Variants in TNS3 observed in about 807,000 individuals in gnomAD.
The protein encoded by TNS3 is tensin 3, also known as tensin-3.
Under a neutral mutation model 140.9 loss-of-function variants are expected in TNS3, and 45 were observed. The ratio of observed to expected loss-of-function variants is 0.32; its 90% CI spans 0.25 to 0.41. The LOEUF (loss-of-function observed/expected upper bound fraction) is 0.41, where lower values mean the gene tolerates loss of function less well. Among genes scored for constraint, TNS3 ranks in the 10% least tolerant of loss-of-function variants. The pLI, the probability that TNS3 is intolerant of heterozygous loss-of-function variation, is 1.00. For synonymous variants in TNS3, 815 were observed against 788.4 expected, an observed-to-expected ratio of 1.03 and a Z score of -0.56; for missense variants, 1,716 against 1,906.7, an observed-to-expected ratio of 0.90 and a Z score of 1.86.
At chr7:47,293,031 G>T in intron 25 of TNS3, 126 bp from the exon 26 acceptor site, 1 of 718,356 alleles carries the variant, frequency 1.4e-6, no homozygotes, top group South Asian at 1.8e-5. Context: ...CAACTGGTAT[G>T]TTAGATTAGT....
intron 1 of TNS3, among the ~76,000 whole-genome samples, chr7:47,536,688 T>C (rs1799610397): frequency 6.6e-6 from 1 of 152,124 alleles, no homozygotes; most frequent in Admixed American, 6.5e-5. Flanking sequence ...ACGCCCCCAC[T>C]AGGCAAAGCT....
chr7:47,351,163 G>C (rs935642337), intron 17 of TNS3, among the ~76,000 whole-genome samples: 3 of 152,194 alleles, frequency 2.0e-5, no homozygotes, highest in African/African-American at 4.8e-5. Context: ...CTGCTGTACT[G>C]AATTTCCCTA....
chr7:47,530,858 T>TATATATATA (rs60516528), intron 1 of TNS3, among the ~76,000 whole-genome samples: 5 of 131,646 alleles, frequency 3.8e-5, no homozygotes, highest in African/African-American at 5.6e-5. Context: ...TATATATATA[T>TATATATATA]TTCTAGCACA....
chr7:47,509,896 C>T (rs1244712792), intron 2 of TNS3, among the ~76,000 whole-genome samples: 2 of 152,154 alleles, frequency 1.3e-5, no homozygotes, highest in African/African-American at 2.4e-5. Context: ...CCATCTCTCC[C>T]GATGGGCTGC....
chr7:47,504,218 A>G (rs1360853104), intron 3 of TNS3, among the ~76,000 whole-genome samples: 2 of 152,156 alleles, frequency 1.3e-5, no homozygotes, highest in African/African-American at 2.4e-5. Flanking sequence ...GCGCTTCTCA[A>G]AATGTCCCAA....
chr7:47,456,195 T>C (rs959283644), intron 4 of TNS3, among the ~76,000 whole-genome samples: 7 of 152,186 alleles, frequency 4.6e-5, no homozygotes, highest in African/African-American at 1.2e-4. Flanking sequence ...GCTGCTGACC[T>C]GGACCTCATC....
chr7:47,400,326 G>A, intron 15 of TNS3, 67 bp downstream of exon 15: 1 of 1,315,664 alleles, frequency 7.6e-7, no homozygotes, highest in Non-Finnish European at 1.1e-6. Context: ...TACAGCCCCA[G>A]CGTAGCCATC....
At chr7:47,355,867 G>A (rs1383315774) in intron 17 of TNS3, among the ~76,000 whole-genome samples, 2 of 152,234 alleles carry the variant, frequency 1.3e-5, no homozygotes, top group East Asian at 1.9e-4. Context: ...GCTGGGAAGT[G>A]GGATGAGGGA....
At chr7:47,460,614 C>T (rs533200939) in intron 4 of TNS3, among the ~76,000 whole-genome samples, 5 of 152,248 alleles carry the variant, frequency 3.3e-5, no homozygotes, top group African/African-American at 1.2e-4. Context: ...GGAAGCCAGG[C>T]TGACTGTGAA....
chr7:47,386,741 G>A (rs962311186), intron 16 of TNS3, among the ~76,000 whole-genome samples: 2 of 152,224 alleles, frequency 1.3e-5, no homozygotes, highest in African/African-American at 4.8e-5. Context: ...CCCCAAAGTA[G>A]GTCAGAATTG....
chr7:47,382,345 G>A (rs965814451), intron 16 of TNS3, among the ~76,000 whole-genome samples: 2 of 152,164 alleles, frequency 1.3e-5, no homozygotes, highest in Non-Finnish European at 2.9e-5. Flanking sequence ...TATGGCAACA[G>A]GCACCCACTG....
At chr7:47,434,822 C>A (rs190197826) in intron 8 of TNS3, among the ~76,000 whole-genome samples, 8 of 152,182 alleles carry the variant, frequency 5.3e-5, no homozygotes, top group Non-Finnish European at 1.0e-4. Context: ...AATGGCTCCA[C>A]GTGGAAAGGA....
chr7:47,364,829 T>C (rs922779378), intron 17 of TNS3, among the ~76,000 whole-genome samples: 3 of 152,200 alleles, frequency 2.0e-5, no homozygotes, highest in Admixed American at 6.5e-5. Flanking sequence ...TCATGGACAG[T>C]TGCTCATGTG....
At chr7:47,412,924 A>G (rs2692539) in intron 12 of TNS3, among the ~76,000 whole-genome samples, 50,566 of 152,148 alleles carry the variant, frequency 0.33, 8,648 homozygotes, top group South Asian at 0.38. Flanking sequence ...CATGGGTTAT[A>G]TGAAAATACA....
chr7:47,292,751 T>C, intron 26 of TNS3, 77 bp downstream of exon 26: 3 of 1,324,232 alleles, frequency 2.3e-6, no homozygotes, highest in Non-Finnish European at 3.2e-6. Context: ...TCAGTGGATC[T>C]TCATGGATCT....
At chr7:47,338,179 C>G (rs1053003525) in intron 20 of TNS3, among the ~76,000 whole-genome samples, 9 of 152,166 alleles carry the variant, frequency 5.9e-5, no homozygotes, top group Admixed American at 3.9e-4. Context: ...TTTATGTGAA[C>G]ATAAGTCTAT....
At chr7:47,415,271 T>C in intron 10 of TNS3, 65 bp from the exon 11 acceptor site, 2 of 1,184,426 alleles carry the variant, frequency 1.7e-6, no homozygotes, top group Non-Finnish European at 2.4e-6. Flanking sequence ...AGAAGGGAAC[T>C]CAAGGAGAAA....
At chr7:47,429,171 T>A (rs1277338461) in intron 8 of TNS3, among the ~76,000 whole-genome samples, 1 of 152,116 alleles carries the variant, frequency 6.6e-6, no homozygotes, top group Non-Finnish European at 1.5e-5. Context: ...TAAGAAAAAA[T>A]TTTGAAAAGA....
At chr7:47,364,822 T>C (rs964297293) in intron 17 of TNS3, among the ~76,000 whole-genome samples, 12 of 152,338 alleles carry the variant, frequency 7.9e-5, no homozygotes, top group East Asian at 1.9e-4. Context: ...TCACTGCTCA[T>C]GGACAGTTGC....
Sources: allele counts gnomAD v4.1 joint callset (sites outside exome capture counted in the v4.1 genomes callset), GRCh38; gene constraint gnomAD v4.1.1; transcripts MANE v1.5; gene names NCBI Gene and HGNC (gene_info 2026-07-23, HGNC 2026-07-21).